Variants in GOLGA3 observed in about 807,000 individuals in gnomAD.
GOLGA3 encodes the protein golgin A3, also known as golgin subfamily A member 3.
A neutral mutation model predicts 169.4 loss-of-function variants in GOLGA3; 75 were observed. The ratio of observed to expected loss-of-function variants is 0.44; its 90% CI spans 0.37 to 0.54. The LOEUF is 0.54. Ranked by LOEUF, GOLGA3 falls within the 20% of genes least tolerant of loss-of-function variation. GOLGA3 has a pLI of 0.00. For missense variants in GOLGA3, 1,899 were observed against 1,930.0 expected (o/e 0.98, Z 0.30); for synonymous variants, 824 against 822.4 (o/e 1.00, Z -0.03).
Position 132,804,925 on chromosome 12 carries a change from T to G in GOLGA3, c.1388A>C (p.Gln463Pro). ...GTCCACCTCCGAGCTCAGCGAATCC[T>G]GCCGCTGCTGGCTGCTGTGGCTGCA... ...VECSHSSQQR[Q>P]DSLSSEVDTL... Residue 463 changes from glutamine (Q) to proline (P), a missense_variant, in exon 7 of 24, where the codon CAG (glutamine) becomes CCG (proline). Physicochemically the swap from Gln to Pro is moderately conservative, Grantham distance 76 (BLOSUM62 -1). Coordinates refer to ENST00000450791, the MANE Select transcript of GOLGA3 (RefSeq NM_001389683.1). The surrounding 1 kb of genome is among the most constrained non-coding windows in gnomAD (Gnocchi z 4.1). 1 of 1,613,810 alleles carries G rather than the reference T, an allele frequency of 6.2e-7. No individual in the cohort carries two copies. The highest frequency in any genetic ancestry group is 8.5e-7 in the Non-Finnish European group (1 of 1,180,016).
At chr12:132,776,542 CACACACAGG>C in intron 21 of GOLGA3, 83 bp downstream of exon 21, 3 of 542,542 alleles carry the variant, frequency 5.5e-6, no homozygotes, top group East Asian at 1.1e-4. Flanking sequence ...CCCAGCGCCT[CACACACAGG>C]TACCCGCAGC....
intron 8 of GOLGA3, among the ~76,000 whole-genome samples, 167 bp downstream of exon 8, chr12:132,801,600 G>A (rs1459528015): frequency 6.6e-6 from 1 of 152,184 alleles, no homozygotes; most frequent in East Asian, 1.9e-4. Context: ...CACGGGACAC[G>A]TCCTGCATAC....
intron 18 of GOLGA3, among the ~76,000 whole-genome samples, chr12:132,780,104 C>A (rs557513087): frequency 9.6e-6 from 1 of 103,908 alleles, no homozygotes; most frequent in Non-Finnish European, 2.1e-5. Flanking sequence ...CACACTTGCA[C>A]GCACAGCCCC....
intron 11 of GOLGA3, among the ~76,000 whole-genome samples, chr12:132,793,850 C>G (rs1299095291): frequency 6.6e-6 from 1 of 152,222 alleles, no homozygotes; most frequent in Non-Finnish European, 1.5e-5. Flanking sequence ...GCAAACAGCT[C>G]TCAGTGCACA....
Position 132,808,044 on chromosome 12 carries a change from G to C in GOLGA3, c.1025C>G (p.Pro342Arg), listed in dbSNP as rs768678966. Reference protein sequence around the residue: ...LSKTVGTQDTPYMVNGQEIPA... With the variant: ...LSKTVGTQDTRYMVNGQEIPA... ...AATCTCCTGGCCGTTGACCATATAG[G>C]GGGTGTCCTGCGTGCCCACTGTCTT... is the stretch of plus-strand genomic sequence containing the variant. Residue 342 changes from proline to arginine, a missense_variant, in exon 5 of 24, where the codon CCC becomes CGC. Physicochemically the swap from Pro to Arg is moderately radical, Grantham distance 103. Transcript: ENST00000450791. The C allele has an allele frequency of 3.7e-6, 6 of 1,604,546 alleles. No individual in the cohort carries two copies. Among genetic ancestry groups the C allele is most frequent in the Non-Finnish European group, 5.1e-6 (6 of 1,174,446 alleles).
In GOLGA3 at chr12:132,804,947, TG is replaced by T; in HGVS notation, c.1365del (p.Cys455Ter). The T allele has an allele frequency of 6.2e-7, 1 of 1,613,432 alleles. No homozygotes were observed. The highest frequency in any genetic ancestry group is 8.5e-7 in the Non-Finnish European group (1 of 1,179,966). On this transcript the variant is annotated frameshift_variant, in exon 7 of 24. Transcript: ENST00000450791. LOFTEE classifies it high-confidence loss of function. The surrounding 1 kb of genome is among the most constrained non-coding windows in gnomAD (Gnocchi z 4.1). ...TCCTGCCGCTGCTGGCTGCTGTGGC[TG>T]CACTCCACCTGCGCCTGCAGCTTCG... ...LSTKLQAQVE[C>X]SHSSQQRQDS...
intron 9 of GOLGA3, 54 bp from the exon 10 acceptor site, chr12:132,796,754 C>T: frequency 6.4e-7 from 1 of 1,552,782 alleles, no homozygotes; most frequent in Non-Finnish European, 8.8e-7. Context: ...TAGTGAACAG[C>T]AGCCGGTGGC....
At chr12:132,789,770 A>C (rs192090589) in intron 12 of GOLGA3, among the ~76,000 whole-genome samples, 1 of 152,182 alleles carries the variant, frequency 6.6e-6, no homozygotes, top group East Asian at 1.9e-4. Flanking sequence ...GCGGTGGCTC[A>C]CACTTGTAAT....
rs1209591392 is a variant in GOLGA3, at chr12:132,775,288, C to T, written c.3996G>A (p.Leu1332=). The change falls in exon 22 of 24, where the codon TTG becomes TTA. Residue 1332 remains leucine (L), a synonymous_variant. Coordinates refer to ENST00000450791, the MANE Select transcript of GOLGA3 (RefSeq NM_001389683.1). ...TGGACAGGTCTTCCTGGGCCATCTC[C>T]AACTCAGACTTGACGTTCTGTGGAA... ...QQLLQNVKSE[L]EMAQEDLSMT... 1 of 1,609,978 alleles carries T rather than the reference C, an allele frequency of 6.2e-7. No homozygotes were observed. Among genetic ancestry groups the T allele is most frequent in the Non-Finnish European group, 8.5e-7 (1 of 1,178,530 alleles).
In GOLGA3 at chr12:132,808,284, T is replaced by C. The variant is rs772049229; in HGVS notation, c.785A>G (p.Asn262Ser). The change falls in exon 5 of 24, where the codon AAT becomes AGT. Residue 262 changes from asparagine to serine, a missense_variant. Transcript: ENST00000450791. ...CTTGGTAGAATCGGGAGCCGGGACA[T>C]TTCCCCCAGAATTCCCCGCATTTGA... The part of the protein sequence containing the change: ...EDSNAGNSGG[N>S]VPAPDSTKGS... The C allele has an allele frequency of 6.2e-7, 1 of 1,614,132 alleles. No individual in the cohort carries two copies.
intron 3 of GOLGA3, among the ~76,000 whole-genome samples, chr12:132,816,063 T>C (rs1430784640): frequency 6.6e-6 from 1 of 152,062 alleles, no homozygotes; most frequent in Non-Finnish European, 1.5e-5. Flanking sequence ...CCGGGCCTGG[T>C]GGCGGGTGCA....
In GOLGA3 at chr12:132,777,533, A is replaced by G. The variant is rs373699654; in HGVS notation, c.3722+133T>C. 24 of 941,732 alleles carry G rather than the reference A, an allele frequency of 2.5e-5. No homozygotes were observed. Among genetic ancestry groups the G allele is most frequent in the African/African-American group, 1.5e-4 (9 of 60,872 alleles). 58.3% of individuals were successfully genotyped at this position (941,732 alleles called of 1,614,324 possible). The stretch of plus-strand genomic sequence containing the variant: ...TGGAGACGGAGGCTGGGTGCCTTCT[A>G]CTCCTATGATTCACTCAAGTACTCG... On this transcript the variant is annotated intron_variant, in intron 19 of 23. Coordinates refer to ENST00000450791, the MANE Select transcript of GOLGA3 (RefSeq NM_001389683.1). This position sits in a 1 kb window ranked among gnomAD's most constrained non-coding sequence, Gnocchi z 4.7.
Position 132,786,436 on chromosome 12 carries a change from C to G in GOLGA3, c.3026G>C (p.Arg1009Pro), listed in dbSNP as rs200122636. The change falls in exon 15 of 24, where the codon CGC (arginine) becomes CCC (proline). Residue 1009 changes from arginine (R) to proline (P), a missense_variant. Arg to Pro is a moderately radical substitution (Grantham distance 103, BLOSUM62 -2). Coordinates refer to ENST00000450791, the MANE Select transcript of GOLGA3 (RefSeq NM_001389683.1). ...YENAVGILSRRLQEALAAKEA... is the reference protein window; with the variant it reads ...YENAVGILSRPLQEALAAKEA... ...CTTGGCCGCGAGGGCCTCCTGCAGG[C>G]GGCGGCTGAGGATGCCCACGGCGTT... 1 of 1,613,216 alleles carries G rather than the reference C, an allele frequency of 6.2e-7. No homozygotes were observed. Among genetic ancestry groups the G allele is most frequent in the African/African-American group, 1.3e-5 (1 of 74,890 alleles).
chr12:132,774,420 C>T (rs908495342), intron 22 of GOLGA3, 100 bp from the exon 23 acceptor site: 23 of 1,357,236 alleles, frequency 1.7e-5, no homozygotes, highest in South Asian at 7.3e-5. Flanking sequence ...AACTGGTGGA[C>T]GTGGGGCCTC....
Position 132,816,724 on chromosome 12 carries a change from G to C in GOLGA3, c.222C>G (p.Pro74=), listed in dbSNP as rs140218746. The C allele has an allele frequency of 3.7e-6, 6 of 1,614,090 alleles. No homozygotes were observed. The highest frequency in any genetic ancestry group is 5.1e-6 in the Non-Finnish European group (6 of 1,179,966). Residue 74 remains proline, a synonymous_variant, in exon 3 of 24, where the codon CCC becomes CCG. Transcript: ENST00000450791. ...GGLCQNGPTP[P]FPDPPSSLDP... is the part of the protein sequence containing the mutation. ...CGAGAGACGACGGAGGGTCTGGGAA[G>C]GGTGGCGTTGGCCCGTTCTGACAGA... is the stretch of plus-strand genomic sequence containing the variant.
intron 4 of GOLGA3, chr12:132,811,937 G>T (rs1035092743): frequency 5.1e-6 from 1 of 195,952 alleles, no homozygotes; most frequent in East Asian, 1.9e-4. Flanking sequence ...CTGGAACCTG[G>T]GAGGTGGAGG....
intron 16 of GOLGA3, 143 bp downstream of exon 16, chr12:132,784,021 G>A (rs753163119): frequency 3.8e-5 from 58 of 1,518,862 alleles, no homozygotes; most frequent in Middle Eastern, 1.7e-4. Context: ...GCCAGAGGCC[G>A]ACGGTCAGAA....
intron 18 of GOLGA3, among the ~76,000 whole-genome samples, chr12:132,779,182 C>T (rs377756169): frequency 1.1e-4 from 16 of 152,208 alleles, no homozygotes; most frequent in East Asian, 7.8e-4. Flanking sequence ...CTGGTTCAAG[C>T]GATTCTCCTG....
chr12:132,798,846 CCAGCCAGACACACACCAGGGCCTGCCCT>C (rs1948998436), intron 8 of GOLGA3, among the ~76,000 whole-genome samples: 1 of 152,212 alleles, frequency 6.6e-6, no homozygotes, highest in Non-Finnish European at 1.5e-5. Context: ...CTGAACAAAT[CCAGCCAGACACACACCAGGGCCTGCCCT>C]CAGCCAGACG....
Sources: allele counts gnomAD v4.1 joint callset (sites outside exome capture counted in the v4.1 genomes callset), GRCh38; gene constraint gnomAD v4.1.1; non-coding constraint Gnocchi (gnomAD v3.1); transcripts MANE v1.5; gene names NCBI Gene and HGNC (gene_info 2026-07-23, HGNC 2026-07-21).